KCNMB2: variants seen among roughly 807,000 people sequenced by gnomAD.
KCNMB2 encodes the protein potassium calcium-activated channel subfamily M regulatory beta subunit 2.
KCNMB2 carries 9 observed loss-of-function variants against 24.5 expected under a neutral mutation model. The ratio of observed to expected loss-of-function variants is 0.37; its 90% CI spans 0.22 to 0.64. The LOEUF (loss-of-function observed/expected upper bound fraction) is 0.64. KCNMB2 is among the 30% of genes least tolerant of loss of function. KCNMB2 has a pLI of 0.63. For synonymous variants in KCNMB2, 109 were observed against 104.4 expected (o/e 1.04, Z -0.27); for missense variants, 226 against 284.3 (o/e 0.79, Z 1.47).
At chr3:178,584,410 G>A (rs906067801) in intron 1 of KCNMB2, among the ~76,000 whole-genome samples, 10 of 152,076 alleles carry the variant, frequency 6.6e-5, no homozygotes, top group African/African-American at 2.2e-4. Context: ...CCAGTCTCCC[G>A]CAGGTGCTGT....
chr3:178,642,786 T>C (rs1039027635), intron 1 of KCNMB2, among the ~76,000 whole-genome samples: 1 of 152,224 alleles, frequency 6.6e-6, no homozygotes, highest in Non-Finnish European at 1.5e-5. Context: ...CAAATGCAGT[T>C]GTTGTATCAT....
intron 1 of KCNMB2, among the ~76,000 whole-genome samples, chr3:178,706,098 C>G (rs1722269769): frequency 6.6e-6 from 1 of 152,034 alleles, no homozygotes; most frequent in Non-Finnish European, 1.5e-5. Flanking sequence ...ACATGAATAA[C>G]CACTCCAAGA....
chr3:178,619,095 G>C (rs1188385968), intron 1 of KCNMB2, among the ~76,000 whole-genome samples: 3 of 152,142 alleles, frequency 2.0e-5, no homozygotes, highest in African/African-American at 7.2e-5. Flanking sequence ...TTACTGAGCA[G>C]CTGCCATGTA....
intron 1 of KCNMB2, among the ~76,000 whole-genome samples, chr3:178,763,444 C>T (rs1252394070): frequency 2.0e-5 from 3 of 151,826 alleles, no homozygotes; most frequent in African/African-American, 7.3e-5. Context: ...ACTGTGAAAT[C>T]GATTTAGATG....
intron 1 of KCNMB2, among the ~76,000 whole-genome samples, chr3:178,690,856 A>C (rs552960460): frequency 6.6e-6 from 1 of 152,300 alleles, no homozygotes; most frequent in African/African-American, 2.4e-5. Flanking sequence ...AATCTATGGA[A>C]TCATCTTTAA....
chr3:178,556,442 T>C (rs1346991304), intron 1 of KCNMB2, among the ~76,000 whole-genome samples: 1 of 152,218 alleles, frequency 6.6e-6, no homozygotes, highest in African/African-American at 2.4e-5. Context: ...TTTGCTCTTA[T>C]TGACCAGGCT....
chr3:178,563,846 C>T (rs780753520), intron 1 of KCNMB2, among the ~76,000 whole-genome samples: 3 of 152,134 alleles, frequency 2.0e-5, no homozygotes, highest in African/African-American at 2.4e-5. Flanking sequence ...ACCTTTATGA[C>T]GTTTTGTGAG....
At chr3:178,766,073 C>T (rs1712106436) in intron 1 of KCNMB2, among the ~76,000 whole-genome samples, 1 of 152,152 alleles carries the variant, frequency 6.6e-6, no homozygotes, top group Non-Finnish European at 1.5e-5. Flanking sequence ...TCCTCTTTGC[C>T]TGTCCAAGTC....
chr3:178,643,664 C>T (rs963839508), intron 1 of KCNMB2, among the ~76,000 whole-genome samples: 2 of 152,168 alleles, frequency 1.3e-5, no homozygotes, highest in African/African-American at 4.8e-5. Context: ...CCTGATCTCC[C>T]CAGCCCACAG....
chr3:178,627,027 A>C (rs1223026515), intron 1 of KCNMB2, among the ~76,000 whole-genome samples: 1 of 151,832 alleles, frequency 6.6e-6, no homozygotes, highest in African/African-American at 2.4e-5. Flanking sequence ...ATTTATAAGG[A>C]TAAACGCCTG....
intron 1 of KCNMB2, among the ~76,000 whole-genome samples, chr3:178,599,332 G>T (rs1717995044): frequency 6.6e-6 from 1 of 152,144 alleles, no homozygotes; most frequent in Non-Finnish European, 1.5e-5. Flanking sequence ...CTGAATTTAT[G>T]TTTCCAATTT....
chr3:178,661,165 G>T (rs1278049355), intron 1 of KCNMB2, among the ~76,000 whole-genome samples: 3 of 150,340 alleles, frequency 2.0e-5, no homozygotes, highest in Non-Finnish European at 4.4e-5. Flanking sequence ...AGGCCCCAGT[G>T]TGTGATGTTC....
chr3:178,725,392 C>T (rs1722934108), intron 1 of KCNMB2, among the ~76,000 whole-genome samples: 1 of 151,872 alleles, frequency 6.6e-6, no homozygotes, highest in African/African-American at 2.4e-5. Flanking sequence ...CTGCCCTCCC[C>T]CCACCAAAAA....
chr3:178,807,155 A>T (rs1483264474), intron 1 of KCNMB2, among the ~76,000 whole-genome samples, 188 bp from the exon 2 acceptor site: 1 of 152,230 alleles, frequency 6.6e-6, no homozygotes, highest in Admixed American at 6.5e-5. Flanking sequence ...GAAGATTTAA[A>T]AAGATTGAAT....
intron 1 of KCNMB2, among the ~76,000 whole-genome samples, chr3:178,622,323 A>C (rs1387489065): frequency 6.6e-6 from 1 of 152,224 alleles, no homozygotes; most frequent in Non-Finnish European, 1.5e-5. Context: ...AGCTGAGTAC[A>C]CAGATCTTAC....
At chr3:178,698,876 G>C (rs1721980295) in intron 1 of KCNMB2, among the ~76,000 whole-genome samples, 1 of 152,212 alleles carries the variant, frequency 6.6e-6, no homozygotes, top group Non-Finnish European at 1.5e-5. Context: ...GGAGATTTTA[G>C]GGGGCCAACC....
At chr3:178,685,258 G>T (rs1272430018) in intron 1 of KCNMB2, among the ~76,000 whole-genome samples, 1 of 152,224 alleles carries the variant, frequency 6.6e-6, no homozygotes, top group Non-Finnish European at 1.5e-5. Flanking sequence ...TAGGGGTGAA[G>T]GTGGGGCTGG....
intron 1 of KCNMB2, among the ~76,000 whole-genome samples, chr3:178,750,349 CATG>C (rs1350517534): frequency 1.3e-5 from 2 of 151,848 alleles, no homozygotes; most frequent in African/African-American, 4.8e-5. Context: ...GAAGTCATTT[CATG>C]ATATTATTTT....
intron 1 of KCNMB2, among the ~76,000 whole-genome samples, chr3:178,653,172 A>T (rs186088526): frequency 7.9e-5 from 12 of 152,120 alleles, no homozygotes; most frequent in African/African-American, 2.9e-4. Context: ...CTTTCTCCAT[A>T]ATGGTCCTAT....
Sources: gnomAD v4.1 joint callset for allele counts (sites outside exome capture counted in the v4.1 genomes callset) on GRCh38, gnomAD v4.1.1 for gene constraint, MANE v1.5 for transcripts, NCBI Gene and HGNC (gene_info 2026-07-23, HGNC 2026-07-21) for gene names.